Variants in LRRC4C observed in about 807,000 individuals in gnomAD.
LRRC4C encodes leucine-rich repeat-containing protein 4C.
Under a neutral mutation model 33.6 loss-of-function variants are expected in LRRC4C, and 5 were observed. That is an observed-to-expected ratio of 0.15 (90% CI 0.08 to 0.31). The LOEUF is 0.31. Among genes scored for constraint, LRRC4C ranks in the 10% least tolerant of loss-of-function variants. LRRC4C has a pLI of 1.00. For missense variants in LRRC4C, 560 were observed against 796.7 expected (o/e 0.70, Z 3.58); for synonymous variants, 329 against 302.0 (o/e 1.09, Z -0.93).
intron 1 of LRRC4C, among the ~76,000 whole-genome samples, chr11:41,385,882 T>C (rs1370482586): frequency 1.3e-5 from 2 of 151,618 alleles, no homozygotes; most frequent in East Asian, 3.9e-4. Flanking sequence ...TTCATGAGTT[T>C]CAATCCTTTT....
chr11:41,109,432 A>G (rs1458263435), intron 1 of LRRC4C, among the ~76,000 whole-genome samples: 1 of 152,124 alleles, frequency 6.6e-6, no homozygotes, highest in Non-Finnish European at 1.5e-5. Flanking sequence ...TAGAAAGACA[A>G]TAAAGGCTTT....
intron 3 of LRRC4C, among the ~76,000 whole-genome samples, chr11:40,432,091 C>T (rs1950958565): frequency 6.6e-6 from 1 of 152,116 alleles, no homozygotes. Context: ...CTTTGATTTT[C>T]ATATCAGCTG....
intron 2 of LRRC4C, among the ~76,000 whole-genome samples, chr11:40,904,722 C>T (rs1306250015): frequency 1.3e-5 from 2 of 152,078 alleles, no homozygotes; most frequent in African/African-American, 4.8e-5. Context: ...CTAAGGTCTC[C>T]CCTCCCTGTT....
chr11:41,287,352 G>A (rs1949860332), intron 1 of LRRC4C, among the ~76,000 whole-genome samples: 2 of 152,106 alleles, frequency 1.3e-5, no homozygotes, highest in African/African-American at 4.8e-5. Flanking sequence ...GATGATGGAA[G>A]GGTTTCTTAC....
intron 3 of LRRC4C, among the ~76,000 whole-genome samples, chr11:40,491,145 C>A (rs898420971): frequency 1.3e-5 from 2 of 151,934 alleles, no homozygotes; most frequent in Non-Finnish European, 2.9e-5. Flanking sequence ...ATTAGCTGGA[C>A]GTGATGGCAG....
chr11:41,286,072 A>G (rs1238093309), intron 1 of LRRC4C, among the ~76,000 whole-genome samples: 10 of 151,796 alleles, frequency 6.6e-5, no homozygotes, highest in Non-Finnish European at 1.2e-4. Flanking sequence ...CTCGTGATTC[A>G]CCCACCTAGG....
chr11:40,841,078 T>G (rs1952891790), intron 2 of LRRC4C, among the ~76,000 whole-genome samples: 1 of 152,230 alleles, frequency 6.6e-6, no homozygotes, highest in South Asian at 2.1e-4. Context: ...CAACATGGTT[T>G]TAAAGAATAT....
In LRRC4C at chr11:41,444,806, A is replaced by ATTT. The variant is rs34560547; in HGVS notation, c.-496+14622_-496+14624dup. Among the ~76,000 whole-genome samples, 13 of 146,620 alleles carry ATTT rather than the reference A, an allele frequency of 8.9e-5. 1 individual carries two copies. In the South Asian group the frequency reaches 1.7e-3, roughly 19 times the overall value. On this transcript the variant is annotated intron_variant, in intron 1 of 6. Coordinates refer to ENST00000528697, the MANE Select transcript of LRRC4C (RefSeq NM_001258419.2). ...GTATCAGGACAGGAAGTCTAACTTA[A>ATTT]TTTTTTTTTTTTTTGAGATGGAATT...
intron 1 of LRRC4C, among the ~76,000 whole-genome samples, chr11:41,161,243 A>G (rs1054625309): frequency 3.3e-5 from 5 of 152,180 alleles, no homozygotes; most frequent in Admixed American, 2.6e-4. Context: ...GCTTACATAT[A>G]TACAATGAAG....
intron 3 of LRRC4C, among the ~76,000 whole-genome samples, chr11:40,481,065 TA>T (rs199804804): frequency 5.0e-3 from 676 of 136,136 alleles, no homozygotes; most frequent in Middle Eastern, 0.011. Flanking sequence ...TTTACAACAG[TA>T]AAAAAAAAAA....
intron 4 of LRRC4C, among the ~76,000 whole-genome samples, chr11:40,301,880 T>C (rs1944789869): frequency 1.3e-5 from 2 of 152,208 alleles, no homozygotes; most frequent in Admixed American, 6.5e-5. Flanking sequence ...CAAAAATGAC[T>C]CTCTAAGGGT....
At chr11:40,153,835 G>A (rs1276645772) in intron 5 of LRRC4C, among the ~76,000 whole-genome samples, 8 of 152,158 alleles carry the variant, frequency 5.3e-5, no homozygotes, top group Non-Finnish European at 1.0e-4. Flanking sequence ...GTGTTCCTGA[G>A]GAAGAAGAGA....
intron 1 of LRRC4C, among the ~76,000 whole-genome samples, chr11:41,146,236 T>G (rs1331013512): frequency 6.6e-6 from 1 of 152,204 alleles, no homozygotes; most frequent in African/African-American, 2.4e-5. Context: ...CTGGGTCATT[T>G]AACTTTTCTC....
chr11:40,247,013 C>T (rs1866394611), intron 4 of LRRC4C, among the ~76,000 whole-genome samples: 1 of 152,124 alleles, frequency 6.6e-6, no homozygotes, highest in Non-Finnish European at 1.5e-5. Context: ...TTATGGTTGC[C>T]TTTCAATCAC....
intron 3 of LRRC4C, among the ~76,000 whole-genome samples, chr11:40,329,033 G>A (rs1946225528): frequency 6.6e-6 from 1 of 152,162 alleles, no homozygotes; most frequent in Non-Finnish European, 1.5e-5. Context: ...TGTCTGTGGG[G>A]GAAAACTGAG....
chr11:40,597,798 T>G (rs1218722005), intron 3 of LRRC4C, among the ~76,000 whole-genome samples: 1 of 152,160 alleles, frequency 6.6e-6, no homozygotes, highest in Non-Finnish European at 1.5e-5. Context: ...GACATCGCAG[T>G]CAGCCCTATA....
At chr11:40,528,487 A>G (rs1218267094) in intron 3 of LRRC4C, among the ~76,000 whole-genome samples, 1 of 152,158 alleles carries the variant, frequency 6.6e-6, no homozygotes, top group Non-Finnish European at 1.5e-5. Context: ...ATAAAAAAAA[A>G]AAGAAGTGTA....
intron 5 of LRRC4C, among the ~76,000 whole-genome samples, chr11:40,221,270 A>T (rs1242532907): frequency 6.6e-6 from 1 of 152,190 alleles, no homozygotes; most frequent in African/African-American, 2.4e-5. Flanking sequence ...CTTTATTCTA[A>T]ATGTCTTTGA....
chr11:41,324,853 T>C (rs990683930), intron 1 of LRRC4C, among the ~76,000 whole-genome samples: 1 of 152,224 alleles, frequency 6.6e-6, no homozygotes, highest in African/African-American at 2.4e-5. Flanking sequence ...TGCATTTCTT[T>C]TCTTGGAATG....
Sources: gnomAD v4.1 joint callset for allele counts (sites outside exome capture counted in the v4.1 genomes callset) on GRCh38, gnomAD v4.1.1 for gene constraint, MANE v1.5 for transcripts, NCBI Gene and HGNC (gene_info 2026-07-23, HGNC 2026-07-21) for gene names.